Variants in KLF5 observed in about 807,000 individuals in gnomAD.
KLF5 encodes the protein Krueppel-like factor 5.
A neutral mutation model predicts 36.9 loss-of-function variants in KLF5; 9 were observed. That is an observed-to-expected ratio of 0.24 (90% confidence interval 0.15 to 0.43). The LOEUF is 0.43. Ranked by LOEUF, KLF5 falls within the 20% of genes least tolerant of loss-of-function variation. The pLI is 1.00. For missense variants in KLF5, 524 were observed against 599.5 expected, an observed-to-expected ratio of 0.87 and a Z score of 1.31; for synonymous variants, 246 against 241.7, an observed-to-expected ratio of 1.02 and a Z score of -0.17.
upstream of KLF5, among the ~76,000 whole-genome samples, chr13:73,057,454 A>G (rs1399406845): frequency 3.3e-5 from 5 of 152,230 alleles, no homozygotes; most frequent in South Asian, 8.3e-4. Flanking sequence ...TGATAACATG[A>G]AAGTAGTCAT....
Position 73,062,237 on chromosome 13 carries a change from C to T in KLF5, c.638C>T (p.Pro213Leu). 1 of 1,614,100 alleles carries T rather than the reference C, an allele frequency of 6.2e-7. No individual in the cohort carries two copies. Among genetic ancestry groups the T allele is most frequent in the Non-Finnish European group, 8.5e-7 (1 of 1,179,992 alleles). ...VNNIFIKQEL[P>L]TPDLHLSVPT... ...AATATTTTCATCAAACAAGAACTTC[C>T]TACACCAGATCTTCATCTTTCTGTC... is the stretch of plus-strand genomic sequence containing the variant. Residue 213 changes from proline (P) to leucine (L), a missense_variant, in exon 2 of 4, where the codon CCT becomes CTT. By Grantham distance (98) the Pro-to-Leu change is moderately conservative. Around this residue, in one of 4 missense-constraint regions of KLF5, gnomAD observed 454 missense variants for 458.1 expected, o/e 0.99. Transcript: ENST00000377687.
At chr13:73,056,898 T>A (rs1156499589), upstream of KLF5, among the ~76,000 whole-genome samples, 3 of 151,446 alleles carry the variant, frequency 2.0e-5, no homozygotes, top group African/African-American at 7.3e-5. Flanking sequence ...TATGAAAAAT[T>A]AACAAGACTA....
In KLF5 at chr13:73,059,073, G is replaced by A. The variant is rs530475466; in HGVS notation, c.-255G>A. ...TCGGCGGTGGCGGGAGCGGGCTCCG[G>A]AGAGCCTGAGAGCACGGTGGGGCGG... On this transcript the variant is annotated 5_prime_UTR_variant, in exon 1 of 4. Coordinates refer to ENST00000377687, the MANE Select transcript of KLF5 (RefSeq NM_001730.5). The A allele has an allele frequency of 4.1e-5, 14 of 343,382 alleles. No homozygotes were observed. The highest frequency in any genetic ancestry group is 2.5e-4 in the African/African-American group (12 of 47,162). The allele number at this position is 343,382 out of a possible 1,614,324, so 21.3% of individuals were successfully genotyped here.
At chr13:73,059,910 G>C (rs1223673142) in intron 1 of KLF5, 1 of 543,158 alleles carries the variant, frequency 1.8e-6, no homozygotes, top group Non-Finnish European at 2.3e-6. Flanking sequence ...ACGAAACCTT[G>C]TACCTTACGC....
At chr13:73,074,244 CTTTTAAAG>C (rs1487036332) in intron 3 of KLF5, among the ~76,000 whole-genome samples, 8 of 152,120 alleles carry the variant, frequency 5.3e-5, no homozygotes. Flanking sequence ...AGGACAGGGT[CTTTTAAAG>C]TTTAGACTGA....
At chr13:73,071,654 A>G (rs1022212342) in intron 3 of KLF5, among the ~76,000 whole-genome samples, 1 of 152,206 alleles carries the variant, frequency 6.6e-6, no homozygotes, top group African/African-American at 2.4e-5. Flanking sequence ...ATATGAGCCT[A>G]TTTCAGAGAC....
rs959527660 is a variant in KLF5, at chr13:73,062,444, C to T, written c.845C>T (p.Pro282Leu). The T allele has an allele frequency of 1.2e-6, 2 of 1,614,062 alleles. No homozygotes were observed. Among genetic ancestry groups the T allele is most frequent in the Admixed American group, 1.7e-5 (1 of 60,008 alleles). ...QTAVKQFQGM[P>L]PCTYTMPSQF... ...GCAGTGAAACAATTCCAGGGCATGC[C>T]CCCTTGCACATACACAATGCCAAGT... The change falls in exon 2 of 4, where the codon CCC becomes CTC. Residue 282 changes from proline to leucine, a missense_variant. Pro to Leu is a moderately conservative substitution (Grantham distance 98). Around this residue, in one of 4 missense-constraint regions of KLF5, gnomAD observed 454 missense variants for 458.1 expected, o/e 0.99. Transcript: ENST00000377687.
At chr13:73,055,755 T>A (rs2044579340), upstream of KLF5, among the ~76,000 whole-genome samples, 1 of 152,214 alleles carries the variant, frequency 6.6e-6, no homozygotes, top group African/African-American at 2.4e-5. Flanking sequence ...TGCTCCCGTA[T>A]AAAGCTTTAT....
intron 3 of KLF5, among the ~76,000 whole-genome samples, chr13:73,069,040 G>C (rs1253860805): frequency 6.6e-6 from 1 of 152,084 alleles, no homozygotes; most frequent in Non-Finnish European, 1.5e-5. Context: ...AGGTTGTGGT[G>C]AGCCAAGATC....
rs1030328955 is a variant in KLF5, at chr13:73,077,002, G to A, written c.*1116G>A. The A allele has an allele frequency of 6.6e-6, 1 of 152,534 alleles. No homozygotes were observed. Among genetic ancestry groups the A allele is most frequent in the Non-Finnish European group, 1.5e-5 (1 of 68,022 alleles). The allele number at this position is 152,534 out of a possible 1,614,324, so 9.4% of individuals were successfully genotyped here. A position where few individuals can be genotyped will look rare whatever the true frequency, so the allele number is the denominator to read the frequency against. On this transcript the variant is annotated 3_prime_UTR_variant, in exon 4 of 4. Coordinates refer to ENST00000377687, the MANE Select transcript of KLF5 (RefSeq NM_001730.5). Reference sequence around the variant, plus strand: ...TAGTTAATCTATTAATACTGACTCAGTGTCTGCCTTTAAATATAAATGATA... The same window carrying A: ...TAGTTAATCTATTAATACTGACTCAATGTCTGCCTTTAAATATAAATGATA...
Position 73,075,948 on chromosome 13 carries a change from TC to T in KLF5, c.*64del. ...TCCCTCAAATGACAGACCTAACTAT[TC>T]CTGTGTAAAAACAACAAAAACAAAC... On this transcript the variant is annotated 3_prime_UTR_variant, in exon 4 of 4. Coordinates refer to ENST00000377687, the MANE Select transcript of KLF5 (RefSeq NM_001730.5). The T allele has an allele frequency of 7.5e-7, 1 of 1,334,324 alleles. No individual in the cohort carries two copies. Among genetic ancestry groups the T allele is most frequent in the East Asian group, 2.6e-5 (1 of 38,668 alleles). The allele number at this position is 1,334,324 out of a possible 1,614,324, so 82.7% of individuals were successfully genotyped here.
At chr13:73,055,746 G>A (rs1186916455), upstream of KLF5, among the ~76,000 whole-genome samples, 1 of 152,050 alleles carries the variant, frequency 6.6e-6, no homozygotes, top group Non-Finnish European at 1.5e-5. Flanking sequence ...AGAAGAGTGT[G>A]CTCCCGTATA....
chr13:73,059,814 T>C, intron 1 of KLF5: 1 of 886,484 alleles, frequency 1.1e-6, no homozygotes, highest in Non-Finnish European at 1.4e-6. Flanking sequence ...GAGGGGAATC[T>C]GCCCCGGCGG....
At chr13:73,065,085 G>A (rs2044669838) in intron 3 of KLF5, among the ~76,000 whole-genome samples, 1 of 152,240 alleles carries the variant, frequency 6.6e-6, no homozygotes, top group Non-Finnish European at 1.5e-5. Context: ...GCTAATAAAA[G>A]CAATGACCTA....
intron 3 of KLF5, among the ~76,000 whole-genome samples, chr13:73,064,543 C>A (rs2044665302): frequency 6.6e-6 from 1 of 152,112 alleles, no homozygotes; most frequent in African/African-American, 2.4e-5. Context: ...TTTGTTCAAT[C>A]TATAGCAGTC....
At chr13:73,067,868 T>C (rs1328538637) in intron 3 of KLF5, among the ~76,000 whole-genome samples, 1 of 150,746 alleles carries the variant, frequency 6.6e-6, no homozygotes, top group Non-Finnish European at 1.5e-5. Context: ...TGAGATGAAG[T>C]CTCGCTTTCG....
Position 73,061,878 on chromosome 13 carries a change from G to A in KLF5, c.279G>A (p.Glu93=), listed in dbSNP as rs1251630935. ...EDLVQTRCEM[E]KYLTPQLPPV... is the part of the protein sequence containing the mutation. ...TTTTTTAGACAAGATGTGAAATGGA[G>A]AAGTATCTGACACCTCAGCTTCCTC... Residue 93 remains glutamate, a synonymous_variant, in exon 2 of 4, where the codon GAG becomes GAA. Coordinates refer to ENST00000377687, the MANE Select transcript of KLF5 (RefSeq NM_001730.5). The A allele has an allele frequency of 1.2e-6, 2 of 1,610,722 alleles. No individual in the cohort carries two copies. The highest frequency in any genetic ancestry group is 1.7e-6 in the Non-Finnish European group (2 of 1,177,280).
At chr13:73,059,748 G>C (rs1158801616) in intron 1 of KLF5, 160 bp downstream of exon 1, 2 of 813,618 alleles carry the variant, frequency 2.5e-6, no homozygotes, top group Non-Finnish European at 3.0e-6. Context: ...CGCCTGGCCG[G>C]GGCCCCGCGT....
chr13:73,061,418 TAAAA>T (rs140948873), intron 1 of KLF5, among the ~76,000 whole-genome samples: 13 of 152,180 alleles, frequency 8.5e-5, no homozygotes, highest in Non-Finnish European at 1.9e-4. Context: ...TTTTTTCTAT[TAAAA>T]AAAACCACGC....
Sources: gnomAD v4.1 joint callset for allele counts (sites outside exome capture counted in the v4.1 genomes callset) on GRCh38, gnomAD v4.1.1 for gene constraint, gnomAD v4.1.1 regional missense constraint, MANE v1.5 for transcripts, NCBI Gene and HGNC (gene_info 2026-07-23, HGNC 2026-07-21) for gene names.